LAMA3: variants seen among roughly 807,000 people sequenced by gnomAD.
LAMA3 encodes laminin subunit alpha-3.
In LAMA3, 281 loss-of-function variants were observed where a neutral mutation model predicts 402.0. The observed-to-expected ratio is 0.70, with a 90% CI of 0.63 to 0.77. The LOEUF is 0.77. Ranked by LOEUF, LAMA3 falls within the 30% of genes least tolerant of loss-of-function variation. The probability of loss-of-function intolerance (pLI) is 0.00; values close to 1 mark genes in which losing one functional copy is unlikely to be tolerated. For missense variants in LAMA3, 3,840 were observed against 4,215.5 expected (o/e 0.91, Z 2.47); for synonymous variants, 1,431 against 1,558.4 (o/e 0.92, Z 1.93).
At chr18:23,809,880 TGATATGGAATATCAAGTGG>T (rs1217048911) in intron 12 of LAMA3, among the ~76,000 whole-genome samples, 2 of 152,250 alleles carry the variant, frequency 1.3e-5, no homozygotes, top group African/African-American at 2.4e-5. Context: ...GGCTTGCACT[TGATATGGAATATCAAGTGG>T]GATATGGAAT....
At position 23,861,673 on chromosome 18, in the gene LAMA3, G is replaced by A; in HGVS notation, c.4450G>A (p.Glu1484Lys). 6.2e-7 allele frequency: 1 copy of A among 1,614,188 alleles called. No individual in the cohort carries two copies. The highest frequency in any genetic ancestry group is 1.1e-5 in the South Asian group (1 of 91,078). ...KFVDMLGWHL[E>K]TADRVDIPVS... ...TGTGGATATGCTGGGCTGGCACCTG[G>A]AGACAGCAGACAGAGTGGACATCCC... The change falls in exon 35 of 75, where the codon GAG (glutamate) becomes AAG (lysine). Residue 1484 changes from glutamate to lysine, a missense_variant. Around this residue, in one of 3 missense-constraint regions of LAMA3, gnomAD observed 2,109 missense variants for 2,376.0 expected, o/e 0.89. Coordinates refer to ENST00000313654, the MANE Select transcript of LAMA3 (RefSeq NM_198129.4).
chr18:23,739,049 G>A (rs1158947226), intron 2 of LAMA3, among the ~76,000 whole-genome samples: 1 of 152,170 alleles, frequency 6.6e-6, no homozygotes, highest in African/African-American at 2.4e-5. Flanking sequence ...CCTTACTCTG[G>A]ACAGCTGCCC....
rs1391140117 is a variant in LAMA3 at position 23,867,897 on chromosome 18, G to C, written c.4747G>C (p.Gly1583Arg). Residue 1583 changes from glycine to arginine, a missense_variant, in exon 37 of 75, where the codon GGA becomes CGA. Gly to Arg is a moderately radical substitution (Grantham distance 125). Transcript: ENST00000313654. ...CCCACGGCCAGACCGGCTGCATCAT[G>C]GACGAGTGCACGTGGTCGAGGTAAA... The part of the protein sequence containing the change: ...NTPRPDRLHH[G>R]RVHVVEGNFR... 1 of 1,614,056 alleles carries C rather than the reference G, an allele frequency of 6.2e-7. No homozygotes were observed. Among genetic ancestry groups the C allele is most frequent in the East Asian group, 2.2e-5 (1 of 44,872 alleles).
In LAMA3 at chr18:23,907,925, A is replaced by G. The variant is rs1159347923; in HGVS notation, c.7005A>G (p.Ala2335=). Residue 2335 remains alanine, a synonymous_variant, in exon 54 of 75, where the codon GCA becomes GCG. Coordinates refer to ENST00000313654, the MANE Select transcript of LAMA3 (RefSeq NM_198129.4). ...NEDFKKALTD[A]DNSVNKLTNK... The stretch of plus-strand genomic sequence containing the variant: ...ACTTCAAAAAGGCTCTGACTGATGC[A>G]GATAACTCGGGTATCAGGCGATCTC... The G allele has an allele frequency of 6.2e-7, 1 of 1,613,810 alleles. No homozygotes were observed. The highest frequency in any genetic ancestry group is 8.5e-7 in the Non-Finnish European group (1 of 1,179,932).
At chr18:23,861,843 G>C (rs1436414118) in intron 35 of LAMA3, 36 bp downstream of exon 35, 1 of 1,587,726 alleles carries the variant, frequency 6.3e-7, no homozygotes, top group East Asian at 2.3e-5. Flanking sequence ...GGCCCTCAGT[G>C]GGCCTCTGCT....
rs1434276375 is a variant in LAMA3 at position 23,946,296 on chromosome 18, T to C, written c.9351+12T>C. 5.6e-6 allele frequency: 9 copies of C among 1,613,608 alleles called. No individual in the cohort carries two copies. The highest frequency in any genetic ancestry group is 2.2e-5 in the South Asian group (2 of 91,070). On this transcript the variant is annotated intron_variant, in intron 70 of 74. Coordinates refer to ENST00000313654, the MANE Select transcript of LAMA3 (RefSeq NM_198129.4). Reference sequence around the variant, plus strand: ...CAGGGAAACCAAAGGTAAATAGTTATGTTCAGAGCCATGGACAGAAACAAT... The same window carrying C: ...CAGGGAAACCAAAGGTAAATAGTTACGTTCAGAGCCATGGACAGAAACAAT...
At chr18:23,878,935 C>G (rs1198852285) in intron 39 of LAMA3, among the ~76,000 whole-genome samples, 2 of 150,630 alleles carry the variant, frequency 1.3e-5, no homozygotes, top group East Asian at 2.0e-4. Context: ...AGACCCCCAT[C>G]TCTCCCTCTT....
At chr18:23,940,342 C>T (rs1254683852) in intron 68 of LAMA3, among the ~76,000 whole-genome samples, 1 of 152,188 alleles carries the variant, frequency 6.6e-6, no homozygotes, top group Non-Finnish European at 1.5e-5. Flanking sequence ...CTGAGAAGAG[C>T]TCAGTGTTGG....
chr18:23,775,182 G>A (rs2062286341), intron 9 of LAMA3, among the ~76,000 whole-genome samples: 1 of 152,180 alleles, frequency 6.6e-6, no homozygotes, highest in Non-Finnish European at 1.5e-5. Flanking sequence ...CCCCCAAGTG[G>A]GAGGTCGACA....
chr18:23,708,732 G>A (rs1486289543), intron 1 of LAMA3, among the ~76,000 whole-genome samples: 1 of 151,696 alleles, frequency 6.6e-6, no homozygotes, highest in African/African-American at 2.4e-5. Context: ...GATACATTTG[G>A]GTCTTTATTT....
intron 41 of LAMA3, among the ~76,000 whole-genome samples, chr18:23,887,292 C>T (rs988105154): frequency 6.6e-6 from 1 of 152,032 alleles, no homozygotes; most frequent in Non-Finnish European, 1.5e-5. Flanking sequence ...ATCCAACCAG[C>T]GAGAAGGGAA....
intron 2 of LAMA3, among the ~76,000 whole-genome samples, chr18:23,740,335 C>T (rs2061541249): frequency 6.6e-6 from 1 of 152,136 alleles, no homozygotes; most frequent in African/African-American, 2.4e-5. Flanking sequence ...CTTCTCTTTC[C>T]TCCCCTAGAG....
chr18:23,827,281 C>T, intron 22 of LAMA3, 33 bp from the exon 23 acceptor site: 1 of 1,612,166 alleles, frequency 6.2e-7, no homozygotes, highest in Non-Finnish European at 8.5e-7. Context: ...TCAGTTGTAA[C>T]TATTGATTCC....
intron 59 of LAMA3, 57 bp downstream of exon 59, chr18:23,915,479 A>G: frequency 6.6e-7 from 1 of 1,507,286 alleles, no homozygotes; most frequent in Non-Finnish European, 9.2e-7. Flanking sequence ...AACTTGCAGT[A>G]CTTTTACATA....
rs2081159344 is a variant in LAMA3, at chr18:23,904,037, G to A, written c.6423G>A (p.Glu2141=). The A allele has an allele frequency of 1.2e-6, 2 of 1,614,028 alleles. No individual in the cohort carries two copies. The highest frequency in any genetic ancestry group is 1.7e-4 in the Middle Eastern group (1 of 6,004). The stretch of plus-strand genomic sequence containing the variant: ...CTGGCAAAACATCCCTTGTGGAGGA[G>A]GCAGAAAAGCACGCGCGGTCCTTAC... ...RSAGKTSLVE[E]AEKHARSLQE... The change falls in exon 50 of 75, where the codon GAG becomes GAA. Residue 2141 remains glutamate (E), a synonymous_variant. Coordinates refer to ENST00000313654, the MANE Select transcript of LAMA3 (RefSeq NM_198129.4).
At position 23,750,959 on chromosome 18, in the gene LAMA3, T is replaced by A. The variant is rs2061739939; in HGVS notation, c.726T>A (p.Asn242Lys). The A allele has an allele frequency of 3.1e-6, 5 of 1,613,926 alleles. No individual in the cohort carries two copies. The Admixed American group carries it at 6.7e-5, about 22-fold the overall frequency. ...SLINGRPGAK[N>K]FTFSHTLREF... is the part of the protein sequence containing the mutation. Reference sequence around the variant, plus strand: ...TAAACGGTCGTCCAGGTGCAAAAAATTTTACTTTCTCTCACACCCTGAGGG... The same window carrying A: ...TAAACGGTCGTCCAGGTGCAAAAAAATTTACTTTCTCTCACACCCTGAGGG... Residue 242 changes from asparagine to lysine, a missense_variant, in exon 5 of 75, where the codon AAT becomes AAA. Asn to Lys is a moderately conservative substitution (Grantham distance 94, BLOSUM62 0). Around this residue, in one of 3 missense-constraint regions of LAMA3, gnomAD observed 2,109 missense variants for 2,376.0 expected, o/e 0.89. Coordinates refer to ENST00000313654, the MANE Select transcript of LAMA3 (RefSeq NM_198129.4).
intron 68 of LAMA3, among the ~76,000 whole-genome samples, chr18:23,943,249 G>A (rs938314353): frequency 5.9e-5 from 9 of 152,180 alleles, no homozygotes; most frequent in African/African-American, 9.7e-5. Context: ...CGTGTTCATC[G>A]AGAGAGAAAG....
intron 37 of LAMA3, among the ~76,000 whole-genome samples, chr18:23,870,457 C>G (rs181768403): frequency 0.01 from 1,586 of 152,214 alleles, 14 homozygotes; most frequent in South Asian, 0.068. Flanking sequence ...AGTAGGATTA[C>G]CATATGCTCC....
At chr18:23,897,095 C>T (rs1368866589) in intron 44 of LAMA3, among the ~76,000 whole-genome samples, 1 of 152,030 alleles carries the variant, frequency 6.6e-6, no homozygotes, top group Non-Finnish European at 1.5e-5. Flanking sequence ...GAGGGGGAAA[C>T]CTCCAGAAAT....
Sources: allele counts gnomAD v4.1 joint callset (sites outside exome capture counted in the v4.1 genomes callset), GRCh38; gene constraint gnomAD v4.1.1; regional missense constraint gnomAD v4.1.1; transcripts MANE v1.5; gene names NCBI Gene and HGNC (gene_info 2026-07-23, HGNC 2026-07-21).